The following FAM13A variants were observed in gnomAD, a reference collection of about 807,000 sequenced individuals.
The protein encoded by FAM13A is family with sequence similarity 13 member A.
In FAM13A, 76 loss-of-function variants were observed where a neutral mutation model predicts 129.6. The ratio of observed to expected loss-of-function variants is 0.59; its 90% CI spans 0.49 to 0.71. The LOEUF (loss-of-function observed/expected upper bound fraction) is 0.71. FAM13A is among the 30% of genes least tolerant of loss of function. The pLI is 0.00. For synonymous variants in FAM13A, 443 were observed against 449.9 expected (o/e 0.98, Z 0.20); for missense variants, 1,108 against 1,249.3 (o/e 0.89, Z 1.70).
At chr4:89,036,542 A>G (rs1769409877) in intron 1 of FAM13A, among the ~76,000 whole-genome samples, 1 of 152,232 alleles carries the variant, frequency 6.6e-6, no homozygotes, top group South Asian at 2.1e-4. Flanking sequence ...ATTGTAGAAA[A>G]TAAAATTCCA....
intron 4 of FAM13A, among the ~76,000 whole-genome samples, chr4:88,962,972 G>A (rs1407657378): frequency 6.6e-6 from 1 of 152,114 alleles, no homozygotes; most frequent in African/African-American, 2.4e-5. Context: ...ATGTAAAAAT[G>A]CATTTTAATT....
intron 3 of FAM13A, among the ~76,000 whole-genome samples, chr4:88,991,817 C>T (rs1443165843): frequency 6.6e-6 from 1 of 152,106 alleles, no homozygotes; most frequent in Admixed American, 6.5e-5. Flanking sequence ...CTTCTCTGAG[C>T]TTTTTTTCAA....
At position 88,978,561 on chromosome 4, in the gene FAM13A, G is replaced by A. The variant is rs539394457; in HGVS notation, c.605+12412C>T. Among the ~76,000 whole-genome samples the A allele has an allele frequency of 9.2e-5, 14 of 152,310 alleles. No homozygotes were observed. In the East Asian group the frequency reaches 2.1e-3, roughly 23 times the overall value. ...TGTAATCCCAGCTCTTTGGGAGGCC[G>A]AGGCGGGCAGATCACAAGGTCAGGA... is the stretch of plus-strand genomic sequence containing the variant. On this transcript the variant is annotated intron_variant, in intron 4 of 23. Coordinates refer to ENST00000264344, the MANE Select transcript of FAM13A (RefSeq NM_014883.4).
Position 88,728,664 on chromosome 4 carries a change from T to C in FAM13A, c.2946-5A>G, listed in dbSNP as rs1736878424. The C allele has an allele frequency of 1.2e-6, 2 of 1,614,102 alleles. No homozygotes were observed. Among genetic ancestry groups the C allele is most frequent in the Non-Finnish European group, 1.7e-6 (2 of 1,179,948 alleles). On this transcript the variant is annotated splice_polypyrimidine_tract_variant and splice_region_variant and intron_variant, in intron 23 of 23. Coordinates refer to ENST00000264344, the MANE Select transcript of FAM13A (RefSeq NM_014883.4). ...CGGTCTTCCTTCTGGACATTTCTAATGCAAATAAAGGAAAAAGGGGTCTGA... is the reference window on the plus strand; with the variant it reads ...CGGTCTTCCTTCTGGACATTTCTAACGCAAATAAAGGAAAAAGGGGTCTGA...
intron 7 of FAM13A, among the ~76,000 whole-genome samples, chr4:88,837,588 C>T (rs1339431895): frequency 6.6e-6 from 1 of 151,450 alleles, no homozygotes; most frequent in Non-Finnish European, 1.5e-5. Context: ...TGTGGTGGCA[C>T]ATGCCTGTAA....
intron 3 of FAM13A, among the ~76,000 whole-genome samples, chr4:89,010,039 T>G (rs1017378065): frequency 1.3e-5 from 2 of 152,198 alleles, no homozygotes; most frequent in African/African-American, 4.8e-5. Flanking sequence ...ACAGTCTTTA[T>G]TTTTTATTTG....
At chr4:88,978,117 C>T (rs1036311088) in intron 4 of FAM13A, among the ~76,000 whole-genome samples, 73 of 152,226 alleles carry the variant, frequency 4.8e-4, no homozygotes, top group African/African-American at 1.5e-3. Flanking sequence ...CAAGAGACAA[C>T]GATAACATAG....
intron 7 of FAM13A, among the ~76,000 whole-genome samples, chr4:88,829,103 A>T (rs565863833): frequency 6.6e-6 from 1 of 152,240 alleles, no homozygotes; most frequent in Non-Finnish European, 1.5e-5. Flanking sequence ...ATCAAGTGAA[A>T]ACAACCAAAG....
At chr4:88,783,753 C>G (rs1241475570) in intron 10 of FAM13A, among the ~76,000 whole-genome samples, 1 of 152,022 alleles carries the variant, frequency 6.6e-6, no homozygotes, top group South Asian at 2.1e-4. Context: ...GGGTGGGACC[C>G]TAATCCAATA....
intron 14 of FAM13A, among the ~76,000 whole-genome samples, chr4:88,756,309 A>G (rs577455467): frequency 1.3e-5 from 2 of 152,330 alleles, no homozygotes; most frequent in Admixed American, 6.5e-5. Flanking sequence ...CACATGTCCT[A>G]CGGAATCTAT....
intron 18 of FAM13A, among the ~76,000 whole-genome samples, chr4:88,747,348 G>C (rs1415679093): frequency 6.6e-6 from 1 of 152,170 alleles, no homozygotes; most frequent in Non-Finnish European, 1.5e-5. Context: ...CCAAAGGTTT[G>C]TCTCTAATCC....
At chr4:88,866,196 G>A (rs1200498822) in intron 6 of FAM13A, among the ~76,000 whole-genome samples, 1 of 152,064 alleles carries the variant, frequency 6.6e-6, no homozygotes, top group Non-Finnish European at 1.5e-5. Context: ...ACAGGCGCCT[G>A]CCACCATGGC....
intron 3 of FAM13A, among the ~76,000 whole-genome samples, chr4:89,019,645 C>T (rs1263094138): frequency 6.6e-6 from 1 of 151,398 alleles, no homozygotes; most frequent in African/African-American, 2.4e-5. Flanking sequence ...CCTGTAATCC[C>T]AGCTACTCAG....
intron 4 of FAM13A, among the ~76,000 whole-genome samples, chr4:88,987,234 A>G (rs1762348165): frequency 1.3e-5 from 2 of 152,208 alleles, no homozygotes; most frequent in Admixed American, 6.5e-5. Flanking sequence ...GAAAAAGAAA[A>G]AAAAATACTA....
chr4:88,908,947 A>G (rs1448664542), intron 5 of FAM13A, among the ~76,000 whole-genome samples: 2 of 152,206 alleles, frequency 1.3e-5, no homozygotes, highest in African/African-American at 4.8e-5. Context: ...TTTCTGGAGA[A>G]AAGTTAAATA....
At chr4:88,772,765 A>G (rs1720935341) in intron 11 of FAM13A, among the ~76,000 whole-genome samples, 1 of 152,218 alleles carries the variant, frequency 6.6e-6, no homozygotes, top group Non-Finnish European at 1.5e-5. Flanking sequence ...TTTTATAACA[A>G]AAGTGTTGAA....
At chr4:88,809,279 CT>C (rs1338111919) in intron 7 of FAM13A, among the ~76,000 whole-genome samples, 1 of 152,072 alleles carries the variant, frequency 6.6e-6, no homozygotes, top group Non-Finnish European at 1.5e-5. Flanking sequence ...ATTCCATTCC[CT>C]TTTTAACTCT....
intron 4 of FAM13A, among the ~76,000 whole-genome samples, chr4:88,962,385 C>A (rs187262044): frequency 2.6e-5 from 4 of 152,204 alleles, no homozygotes; most frequent in African/African-American, 9.6e-5. Flanking sequence ...GGAGAGTCAA[C>A]CAATTCAAGG....
At chr4:88,927,578 T>C (rs982704092) in intron 5 of FAM13A, among the ~76,000 whole-genome samples, 1 of 152,026 alleles carries the variant, frequency 6.6e-6, no homozygotes, top group Non-Finnish European at 1.5e-5. Context: ...TATTTCTGGT[T>C]CAATCTCAGA....
Sources: gnomAD v4.1 joint callset for allele counts (sites outside exome capture counted in the v4.1 genomes callset) on GRCh38, gnomAD v4.1.1 for gene constraint, MANE v1.5 for transcripts, NCBI Gene and HGNC (gene_info 2026-07-23, HGNC 2026-07-21) for gene names.